Variants in TIAM2 observed in about 807,000 individuals in gnomAD.
The protein encoded by TIAM2 is rho guanine nucleotide exchange factor TIAM2.
In TIAM2, 80 loss-of-function variants were observed where a neutral mutation model predicts 152.9. The ratio of observed to expected loss-of-function variants is 0.52; its 90% CI spans 0.44 to 0.63. TIAM2 has a LOEUF of 0.63. Ranked by LOEUF, TIAM2 falls within the 30% of genes least tolerant of loss-of-function variation. The pLI, the probability that TIAM2 is intolerant of heterozygous loss-of-function variation, is 0.00. For missense variants in TIAM2, 1,965 were observed against 2,120.1 expected (o/e 0.93, Z 1.44); for synonymous variants, 804 against 838.0 (o/e 0.96, Z 0.70).
At chr6:155,007,153 G>A (rs1276868013) in intron 1 of TIAM2, among the ~76,000 whole-genome samples, 2 of 152,184 alleles carry the variant, frequency 1.3e-5, no homozygotes, top group African/African-American at 4.8e-5. Flanking sequence ...AGGGCATTCA[G>A]TGTGTGGAGG....
At chr6:155,010,629 A>G (rs1778471830) in intron 1 of TIAM2, among the ~76,000 whole-genome samples, 1 of 151,900 alleles carries the variant, frequency 6.6e-6, no homozygotes, top group African/African-American at 2.4e-5. Context: ...CTAATTTTCT[A>G]TTTTTAGTAG....
At chr6:155,030,905 G>A (rs1013836969) in intron 1 of TIAM2, among the ~76,000 whole-genome samples, 5 of 152,054 alleles carry the variant, frequency 3.3e-5, no homozygotes, top group Non-Finnish European at 7.4e-5. Flanking sequence ...GAAGACTTGG[G>A]GAAATAAAAG....
In TIAM2 at chr6:155,256,501, A is replaced by G. The variant is rs1230086903; in HGVS notation, c.4486A>G (p.Lys1496Glu). The G allele has an allele frequency of 1.9e-6, 3 of 1,614,098 alleles. No homozygotes were observed. Among genetic ancestry groups the G allele is most frequent in the Non-Finnish European group, 2.5e-6 (3 of 1,180,056 alleles). ...SAKLASSRSLKVLKNSSSNEW... is the reference protein window; with the variant it reads ...SAKLASSRSLEVLKNSSSNEW... ...CACTGTAGCTTCATCCAGGTCTTTA[A>G]AAGTCCTGAAGAATTCCTCCAGCAA... is the stretch of plus-strand genomic sequence containing the variant. The change falls in exon 27 of 27, where the codon AAA becomes GAA. Residue 1496 changes from lysine to glutamate, a missense_variant. Transcript: ENST00000682666.
At chr6:155,015,331 G>T (rs765519151) in intron 1 of TIAM2, among the ~76,000 whole-genome samples, 1 of 152,152 alleles carries the variant, frequency 6.6e-6, no homozygotes, top group Non-Finnish European at 1.5e-5. Context: ...TCTGATTTCT[G>T]AGGTGTCAGC....
At chr6:155,100,349 A>G (rs978941148) in intron 2 of TIAM2, among the ~76,000 whole-genome samples, 2 of 152,222 alleles carry the variant, frequency 1.3e-5, no homozygotes, top group Admixed American at 1.3e-4. Flanking sequence ...CCGGCTTGGA[A>G]TATGAAATGC....
chr6:155,006,509 A>G (rs1778404494), intron 1 of TIAM2, among the ~76,000 whole-genome samples: 1 of 151,620 alleles, frequency 6.6e-6, no homozygotes, highest in Non-Finnish European at 1.5e-5. Flanking sequence ...TCTACTCAAA[A>G]TACAAAAATT....
chr6:155,017,247 A>C (rs1032307096), intron 1 of TIAM2, among the ~76,000 whole-genome samples: 7 of 152,108 alleles, frequency 4.6e-5, no homozygotes, highest in Non-Finnish European at 1.0e-4. Flanking sequence ...TATCCAGGAA[A>C]ACTGAGGGGC....
At chr6:155,073,058 C>T (rs535376864) in intron 1 of TIAM2, among the ~76,000 whole-genome samples, 1 of 151,808 alleles carries the variant, frequency 6.6e-6, no homozygotes, top group South Asian at 2.1e-4. Flanking sequence ...GTTTTTCATG[C>T]CTAAGATCTG....
rs573992781 is a variant in TIAM2, at chr6:155,187,899, C to T, written c.3064+4399C>T. Among the ~76,000 whole-genome samples the T allele has an allele frequency of 8.5e-5, 13 of 152,162 alleles. No individual in the cohort carries two copies. In the South Asian group the frequency reaches 1.5e-3, roughly 17 times the overall value. ...GGCCGCAAGCCCCATTTTTAACTTG[C>T]GCAGGTGTGGAAAGCAGCCTTGGAG... On this transcript the variant is annotated intron_variant, in intron 14 of 26. Coordinates refer to ENST00000682666, the MANE Select transcript of TIAM2 (RefSeq NM_012454.4).
chr6:155,201,336 A>G (rs901131664), intron 14 of TIAM2, among the ~76,000 whole-genome samples: 6 of 152,206 alleles, frequency 3.9e-5, no homozygotes, highest in South Asian at 4.1e-4. Flanking sequence ...GTAGTTCCTA[A>G]GGGCTTTGAA....
In TIAM2 at chr6:155,256,490, C is replaced by G. The variant is rs751001518; in HGVS notation, c.4475C>G (p.Ser1492Cys). Residue 1492 changes from serine to cysteine, a missense_variant, in exon 27 of 27, where the codon TCC becomes TGC. This residue lies in a region of TIAM2 where 935 missense variants were observed against 980.0 expected (regional missense o/e 0.95). Coordinates refer to ENST00000682666, the MANE Select transcript of TIAM2 (RefSeq NM_012454.4). ...TGTGTTTTTCTCACTGTAGCTTCATCCAGGTCTTTAAAAGTCCTGAAGAAT... is the reference window on the plus strand; with the variant it reads ...TGTGTTTTTCTCACTGTAGCTTCATGCAGGTCTTTAAAAGTCCTGAAGAAT... ...RVPVSAKLASSRSLKVLKNSS... is the reference protein window; with the variant it reads ...RVPVSAKLASCRSLKVLKNSS... 2 of 1,614,152 alleles carry G rather than the reference C, an allele frequency of 1.2e-6. No individual in the cohort carries two copies. The highest frequency in any genetic ancestry group is 3.3e-4 in the Middle Eastern group (2 of 6,062).
chr6:155,162,435 T>C (rs1467709711), intron 7 of TIAM2, among the ~76,000 whole-genome samples: 3 of 152,200 alleles, frequency 2.0e-5, no homozygotes, highest in Non-Finnish European at 4.4e-5. Flanking sequence ...ATTGTGGACT[T>C]TCAGGAATCA....
chr6:155,221,556 A>G (rs1351246800), intron 15 of TIAM2, among the ~76,000 whole-genome samples: 3 of 152,106 alleles, frequency 2.0e-5, no homozygotes, highest in Non-Finnish European at 2.9e-5. Context: ...TTGAAGTGGG[A>G]TATGTTTGAC....
In TIAM2 at chr6:155,179,405, C is replaced by A. The variant is rs116039441; in HGVS notation, c.2656C>A (p.Leu886Ile). The change falls in exon 12 of 27, where the codon CTA becomes ATA. Residue 886 changes from leucine (L) to isoleucine (I), a missense_variant. Transcript: ENST00000682666. Reference sequence around the variant, plus strand: ...TTATGATGAAATAGAAGTCTTTCCACTAAATGTTTATGACGTGCAGCTCAC... The same window carrying A: ...TTATGATGAAATAGAAGTCTTTCCAATAAATGTTTATGACGTGCAGCTCAC... ...QVYDEIEVFP[L>I]NVYDVQLTKT... The A allele has an allele frequency of 4.2e-5, 67 of 1,613,770 alleles. No homozygotes were observed. The highest frequency in any genetic ancestry group is 5.4e-5 in the Non-Finnish European group (64 of 1,179,976).
At chr6:155,163,995 G>T (rs1415549044) in intron 7 of TIAM2, among the ~76,000 whole-genome samples, 1 of 144,960 alleles carries the variant, frequency 6.9e-6, no homozygotes, top group Non-Finnish European at 1.5e-5. Context: ...AGTCTTGCTT[G>T]GTTGCCCAGG....
At chr6:155,119,993 T>A (rs1279569311) in intron 2 of TIAM2, among the ~76,000 whole-genome samples, 1 of 152,238 alleles carries the variant, frequency 6.6e-6, no homozygotes, top group Non-Finnish European at 1.5e-5. Flanking sequence ...AACCCAACAA[T>A]GGGCCACGAC....
intron 1 of TIAM2, among the ~76,000 whole-genome samples, chr6:155,019,038 TA>T (rs780102424): frequency 3.6e-3 from 484 of 132,646 alleles, no homozygotes; most frequent in Middle Eastern, 7.8e-3. Flanking sequence ...AGACTCCATC[TA>T]AAAAAAAAAA....
intron 1 of TIAM2, among the ~76,000 whole-genome samples, chr6:155,060,693 C>T (rs1025511264): frequency 6.6e-6 from 1 of 151,944 alleles, no homozygotes; most frequent in Non-Finnish European, 1.5e-5. Flanking sequence ...GTCAGGAGTT[C>T]GAGACCAGCC....
At chr6:155,016,161 T>G (rs1401682446) in intron 1 of TIAM2, 1 of 152,114 alleles carries the variant, frequency 6.6e-6, no homozygotes, top group Admixed American at 6.6e-5. Context: ...GTTCCTCCCC[T>G]GGGACTCTCT....
Sources: allele counts gnomAD v4.1 joint callset (sites outside exome capture counted in the v4.1 genomes callset), GRCh38; gene constraint gnomAD v4.1.1; regional missense constraint gnomAD v4.1.1; transcripts MANE v1.5; gene names NCBI Gene and HGNC (gene_info 2026-07-23, HGNC 2026-07-21).